KRIT1: variants seen among roughly 807,000 people sequenced by gnomAD.
KRIT1 encodes the protein krev interaction trapped protein 1.
KRIT1 carries 45 observed loss-of-function variants against 95.8 expected under a neutral mutation model. The observed-to-expected ratio is 0.47, with a 90% CI of 0.37 to 0.60. KRIT1 has a LOEUF of 0.60. KRIT1 is among the 20% of genes least tolerant of loss of function. The probability of loss-of-function intolerance (pLI) is 0.00; values close to 1 mark genes in which losing one functional copy is unlikely to be tolerated. For missense variants in KRIT1, 788 were observed against 877.5 expected (o/e 0.90, Z 1.29); for synonymous variants, 282 against 278.8 (o/e 1.01, Z -0.11).
rs1800859167 is a variant in KRIT1, at chr7:92,245,776, A to T, written c.-421+14T>A. 1 of 152,502 alleles carries T rather than the reference A, an allele frequency of 6.6e-6. No individual in the cohort carries two copies. The highest frequency in any genetic ancestry group is 2.4e-5 in the African/African-American group (1 of 41,054). 9.4% of individuals were successfully genotyped at this position (152,502 alleles called of 1,614,324 possible). Reference sequence around the variant, plus strand: ...AAAGCTCAGGTCTCTGGAGTCGGAGACCCTCCTGCCCACCTGCTCTTTACT... The same window carrying T: ...AAAGCTCAGGTCTCTGGAGTCGGAGTCCCTCCTGCCCACCTGCTCTTTACT... On this transcript the variant is annotated intron_variant, in intron 1 of 18. Coordinates refer to ENST00000394505, the MANE Select transcript of KRIT1 (RefSeq NM_194454.3).
At chr7:92,219,760 A>G (rs1794745373) in intron 14 of KRIT1, among the ~76,000 whole-genome samples, 2 of 152,208 alleles carry the variant, frequency 1.3e-5, no homozygotes, top group Non-Finnish European at 2.9e-5. Context: ...AACTATTCCT[A>G]TCATTGAACG....
chr7:92,235,784 GTACTT>G (rs1798323187), intron 7 of KRIT1, 138 bp from the exon 8 acceptor site: 1 of 770,230 alleles, frequency 1.3e-6, no homozygotes, highest in South Asian at 1.7e-5. Flanking sequence ...TGTTAGTTAA[GTACTT>G]TATTATTTTT....
chr7:92,222,621 G>A (rs1021586829), intron 13 of KRIT1, among the ~76,000 whole-genome samples: 6 of 152,128 alleles, frequency 3.9e-5, no homozygotes, highest in African/African-American at 1.4e-4. Context: ...ATTAAAAAAT[G>A]CTTTGAATGA....
chr7:92,222,272 T>G (rs977303555), intron 13 of KRIT1, among the ~76,000 whole-genome samples: 1 of 152,110 alleles, frequency 6.6e-6, no homozygotes, highest in Non-Finnish European at 1.5e-5. Flanking sequence ...TACATAAAAT[T>G]TATCAAATGT....
intron 13 of KRIT1, among the ~76,000 whole-genome samples, 191 bp from the exon 14 acceptor site, chr7:92,222,244 A>T (rs566127647): frequency 1.3e-5 from 2 of 152,278 alleles, no homozygotes; most frequent in East Asian, 3.9e-4. Context: ...GAATATAAGA[A>T]TTATTAAAAA....
chr7:92,233,574 T>C (rs542431875), intron 10 of KRIT1, among the ~76,000 whole-genome samples: 56 of 152,046 alleles, frequency 3.7e-4, no homozygotes, highest in African/African-American at 1.3e-3. Flanking sequence ...GCCCGGCTAA[T>C]TTTTGTATTT....
At chr7:92,207,167 G>C (rs191770316) in intron 17 of KRIT1, among the ~76,000 whole-genome samples, 2 of 152,148 alleles carry the variant, frequency 1.3e-5, no homozygotes, top group East Asian at 3.9e-4. Flanking sequence ...AGATACCCAA[G>C]CAGATCTAAC....
Position 92,241,966 on chromosome 7 carries a change from T to C in KRIT1, c.102+68A>G, listed in dbSNP as rs951759722. The C allele has an allele frequency of 9.1e-6, 8 of 881,554 alleles. No homozygotes were observed. The African/African-American group carries it at 1.3e-4, about 15-fold the overall frequency. The allele number at this position is 881,554 out of a possible 1,614,324, so 54.6% of individuals were successfully genotyped here. ...ACAACTTTACAAGATATAATAAGGC[T>C]TTATATGTGAATGATAATACAGAAT... is the stretch of plus-strand genomic sequence containing the variant. On this transcript the variant is annotated intron_variant, in intron 4 of 18. Coordinates refer to ENST00000394505, the MANE Select transcript of KRIT1 (RefSeq NM_194454.3).
At position 92,200,133 on chromosome 7, in the gene KRIT1, T is replaced by C. The variant is rs1029409181; in HGVS notation, c.*603A>G. The C allele has an allele frequency of 1.3e-5, 2 of 152,902 alleles. No homozygotes were observed. The highest frequency in any genetic ancestry group is 2.9e-5 in the Non-Finnish European group (2 of 68,272). The allele number at this position is 152,902 out of a possible 1,614,324, so 9.5% of individuals were successfully genotyped here. On this transcript the variant is annotated 3_prime_UTR_variant, in exon 19 of 19. Transcript: ENST00000394505. ...CTCATCACATTCCACCCCAAATTCC[T>C]TACCATTTACCAAAAATAACTTTTT...
chr7:92,225,704 T>C lies in KRIT1; in HGVS notation c.1254+16A>G, dbSNP rs369072291. On this transcript the variant is annotated intron_variant, in intron 12 of 18. Transcript: ENST00000394505. ...TAAATACTATGCCTGGCTCTAACTA[T>C]GAAGATAATTCTTACTGGTTTGTTA... is the stretch of plus-strand genomic sequence containing the variant. The C allele has an allele frequency of 2.2e-4, 285 of 1,298,034 alleles. 1 individual carries two copies. Among genetic ancestry groups the C allele is most frequent in the Admixed American group, 3.4e-4 (20 of 59,628 alleles). The allele number at this position is 1,298,034 out of a possible 1,614,324, so 80.4% of individuals were successfully genotyped here.
intron 12 of KRIT1, among the ~76,000 whole-genome samples, chr7:92,225,317 T>C (rs746711492): frequency 1.3e-5 from 2 of 152,170 alleles, no homozygotes; most frequent in Admixed American, 6.5e-5. Flanking sequence ...GTTTTTTGTT[T>C]GTTTGTTTGA....
chr7:92,216,214 A>G (rs1358117868), intron 14 of KRIT1, among the ~76,000 whole-genome samples: 1 of 150,568 alleles, frequency 6.6e-6, no homozygotes, highest in South Asian at 2.1e-4. Flanking sequence ...GGGTGACAGA[A>G]AGAGACTCCA....
In KRIT1 at chr7:92,200,372, T is replaced by TTTA; in HGVS notation, c.*363_*364insTAA. The TTTA allele has an allele frequency of 2.4e-5, 6 of 253,844 alleles. No individual in the cohort carries two copies. The highest frequency in any genetic ancestry group is 9.3e-5 in the East Asian group (1 of 10,782). 15.7% of individuals were successfully genotyped at this position (253,844 alleles called of 1,614,324 possible). A position where few individuals can be genotyped will look rare whatever the true frequency, so the allele number is the denominator to read the frequency against. On this transcript the variant is annotated 3_prime_UTR_variant, in exon 19 of 19. Coordinates refer to ENST00000394505, the MANE Select transcript of KRIT1 (RefSeq NM_194454.3). ...GTTGAAAGTAATTTTTTTTTTTTTT[T>TTTA]GAGATGGAGTCTTGCTGTGTCACCC...
At chr7:92,216,102 G>A (rs1361758365) in intron 14 of KRIT1, among the ~76,000 whole-genome samples, 9 of 151,410 alleles carry the variant, frequency 5.9e-5, no homozygotes, top group African/African-American at 9.7e-5. Flanking sequence ...GGTGGCAGGC[G>A]CCTGTAGTCC....
Position 92,215,138 on chromosome 7 carries a change from C to T in KRIT1, c.1564-361G>A, listed in dbSNP as rs149100979. On this transcript the variant is annotated intron_variant, in intron 14 of 18. Transcript: ENST00000394505. Reference sequence around the variant, plus strand: ...GTTATTTTTTTTAACAATCAAAAAACGTAAAAAAAATCATCTTGTGAGGTA... The same window carrying T: ...GTTATTTTTTTTAACAATCAAAAAATGTAAAAAAAATCATCTTGTGAGGTA... 1.5e-4 allele frequency among the ~76,000 whole-genome samples: 23 copies of T among 151,682 alleles called. No individual in the cohort carries two copies. In the East Asian group the frequency reaches 2.7e-3, roughly 18 times the overall value.
intron 14 of KRIT1, among the ~76,000 whole-genome samples, chr7:92,219,636 T>C (rs1428167121): frequency 6.6e-6 from 1 of 152,208 alleles, no homozygotes; most frequent in Non-Finnish European, 1.5e-5. Flanking sequence ...CTTGCAATTC[T>C]TGTGGATTTG....
rs151162547 is a variant in KRIT1, at chr7:92,242,573, A to AT, written c.-2-437dup. ...TAAATTACAAAAGTGAATGTTAGTT[A>AT]TACTGTTAACAGTTTGGAAGCTGGA... On this transcript the variant is annotated intron_variant, in intron 3 of 18. Transcript: ENST00000394505. Among the ~76,000 whole-genome samples, 2,013 of 152,346 alleles carry AT rather than the reference A, an allele frequency of 0.013. 111 individuals carry two copies. In the East Asian group the frequency reaches 0.18, roughly 14 times the overall value.
chr7:92,238,989 T>C (rs1483359406), intron 5 of KRIT1, among the ~76,000 whole-genome samples: 1 of 152,214 alleles, frequency 6.6e-6, no homozygotes, highest in Non-Finnish European at 1.5e-5. Context: ...TCATTTGTGA[T>C]TTTCATGTGA....
chr7:92,241,017 A>C lies in KRIT1; in HGVS notation c.238T>G (p.Ser80Ala). The change falls in exon 5 of 19, where the codon TCT (serine) becomes GCT (alanine). Residue 80 changes from serine (S) to alanine (A), a missense_variant. Ser to Ala is a moderately conservative substitution (Grantham distance 99). This residue lies in a region of KRIT1 where 289 missense variants were observed against 277.5 expected (regional missense o/e 1.04). Coordinates refer to ENST00000394505, the MANE Select transcript of KRIT1 (RefSeq NM_194454.3). The stretch of plus-strand genomic sequence containing the variant: ...CCTCTGATACCCTGGTTTGCAGGAG[A>C]AATTGGTTTGGTGGTTTCTACTACG... ...DYVVETTKPI[S>A]PANQGIRGKR... The C allele has an allele frequency of 6.2e-7, 1 of 1,612,732 alleles. No individual in the cohort carries two copies.
Sources: allele counts gnomAD v4.1 joint callset (sites outside exome capture counted in the v4.1 genomes callset), GRCh38; gene constraint gnomAD v4.1.1; regional missense constraint gnomAD v4.1.1; transcripts MANE v1.5; gene names NCBI Gene and HGNC (gene_info 2026-07-23, HGNC 2026-07-21).